TBC1D5: variants seen among roughly 807,000 people sequenced by gnomAD.
TBC1D5 encodes TBC1 domain family member 5.
A neutral mutation model predicts 100.3 loss-of-function variants in TBC1D5; 75 were observed. The ratio of observed to expected loss-of-function variants is 0.75; its 90% CI spans 0.62 to 0.91. The LOEUF (loss-of-function observed/expected upper bound fraction) is 0.91. TBC1D5 is among the 40% of genes least tolerant of loss of function. The pLI is 0.00. For synonymous variants in TBC1D5, 323 were observed against 325.6 expected (o/e 0.99, Z 0.09); for missense variants, 910 against 942.4 (o/e 0.97, Z 0.45).
chr3:17,567,229 C>A (rs1052831467), intron 2 of TBC1D5, among the ~76,000 whole-genome samples: 4 of 151,646 alleles, frequency 2.6e-5, no homozygotes, highest in African/African-American at 7.2e-5. Context: ...TCTTAAGAGT[C>A]CACAAAAGAA....
chr3:17,435,357 G>C (rs2094517319), intron 3 of TBC1D5, among the ~76,000 whole-genome samples: 1 of 152,182 alleles, frequency 6.6e-6, no homozygotes, highest in Non-Finnish European at 1.5e-5. Context: ...GACTACCCAA[G>C]ACTGGGTAAT....
chr3:17,564,242 T>G (rs949107414), intron 2 of TBC1D5, among the ~76,000 whole-genome samples: 1 of 152,202 alleles, frequency 6.6e-6, no homozygotes, highest in African/African-American at 2.4e-5. Flanking sequence ...TAAAAATATT[T>G]TTATCATTAC....
At chr3:17,236,400 T>C (rs1346515254) in intron 17 of TBC1D5, among the ~76,000 whole-genome samples, 1 of 152,172 alleles carries the variant, frequency 6.6e-6, no homozygotes, top group Non-Finnish European at 1.5e-5. Context: ...TTAAAATACA[T>C]TTACAATATG....
At chr3:17,360,231 G>A (rs2091577005) in intron 13 of TBC1D5, among the ~76,000 whole-genome samples, 1 of 151,894 alleles carries the variant, frequency 6.6e-6, no homozygotes, top group Admixed American at 6.6e-5. Flanking sequence ...CTTGTTAGAT[G>A]GTATTTTGTA....
intron 3 of TBC1D5, among the ~76,000 whole-genome samples, chr3:17,462,314 G>C (rs528865781): frequency 6.8e-6 from 1 of 147,382 alleles, no homozygotes; most frequent in South Asian, 2.1e-4. Flanking sequence ...TAAATGTTTC[G>C]GACCTTAATT....
At chr3:17,376,477 C>A (rs777290668) in intron 10 of TBC1D5, 48 bp downstream of exon 10, 2 of 1,522,400 alleles carry the variant, frequency 1.3e-6, no homozygotes, top group Admixed American at 4.1e-5. Flanking sequence ...CAAAGGTTAC[C>A]GTGGGGGCTA....
intron 2 of TBC1D5, among the ~76,000 whole-genome samples, chr3:17,589,364 G>C (rs1488504465): frequency 2.0e-5 from 3 of 152,128 alleles, no homozygotes; most frequent in Non-Finnish European, 4.4e-5. Context: ...GTTTGGCTGT[G>C]TCCCCACCCA....
At chr3:17,422,204 T>A (rs540130509) in intron 4 of TBC1D5, among the ~76,000 whole-genome samples, 6 of 152,280 alleles carry the variant, frequency 3.9e-5, no homozygotes, top group East Asian at 1.9e-4. Flanking sequence ...AGTTTTTTTT[T>A]ATCACCCAGG....
At chr3:17,516,673 C>A (rs568810820) in intron 2 of TBC1D5, among the ~76,000 whole-genome samples, 1 of 152,162 alleles carries the variant, frequency 6.6e-6, no homozygotes, top group East Asian at 1.9e-4. Context: ...TTCCTTTGTA[C>A]CCCCATAATA....
At chr3:17,624,701 A>T (rs2062919762) in intron 1 of TBC1D5, among the ~76,000 whole-genome samples, 1 of 152,130 alleles carries the variant, frequency 6.6e-6, no homozygotes, top group African/African-American at 2.4e-5. Context: ...TCTACAACTT[A>T]AAAGCTCATT....
intron 1 of TBC1D5, among the ~76,000 whole-genome samples, chr3:17,694,411 T>A (rs2071670545): frequency 2.6e-5 from 4 of 152,186 alleles, no homozygotes; most frequent in Admixed American, 2.6e-4. Flanking sequence ...AATGATGTCA[T>A]GGAGATGAAA....
chr3:17,448,631 A>T (rs1216168645), intron 3 of TBC1D5, among the ~76,000 whole-genome samples: 1 of 152,220 alleles, frequency 6.6e-6, no homozygotes, highest in Non-Finnish European at 1.5e-5. Context: ...CAGGTGCCTT[A>T]TCAAAGAGAA....
At chr3:17,373,882 G>T (rs1423903878) in intron 12 of TBC1D5, among the ~76,000 whole-genome samples, 1 of 152,054 alleles carries the variant, frequency 6.6e-6, no homozygotes, top group East Asian at 1.9e-4. Context: ...TAATGGACAT[G>T]CAGTTTTCTT....
chr3:17,243,676 C>T lies in TBC1D5; in HGVS notation c.1332-5257G>A, dbSNP rs535254594. 1.1e-4 allele frequency among the ~76,000 whole-genome samples: 16 copies of T among 151,910 alleles called. No individual in the cohort carries two copies. In the East Asian group the frequency reaches 1.5e-3, roughly 15 times the overall value. On this transcript the variant is annotated intron_variant, in intron 16 of 21. Transcript: ENST00000253692. ...TTATAATTGCACATTACATACAGAACAAGAAGGCATGGATAACATGAGTTT... is the reference window on the plus strand; with the variant it reads ...TTATAATTGCACATTACATACAGAATAAGAAGGCATGGATAACATGAGTTT...
chr3:17,370,678 A>G (rs1416992638), intron 13 of TBC1D5, among the ~76,000 whole-genome samples: 1 of 152,188 alleles, frequency 6.6e-6, no homozygotes, highest in African/African-American at 2.4e-5. Flanking sequence ...TCCAGAGAAG[A>G]AAAACAGCTG....
intron 1 of TBC1D5, among the ~76,000 whole-genome samples, chr3:17,673,997 C>G (rs758422811): frequency 6.6e-6 from 1 of 152,176 alleles, no homozygotes; most frequent in Non-Finnish European, 1.5e-5. Context: ...GAGAGCCTGA[C>G]TCCCAATTCC....
intron 18 of TBC1D5, among the ~76,000 whole-genome samples, chr3:17,204,198 C>T (rs1419564827): frequency 2.0e-5 from 3 of 152,022 alleles, no homozygotes; most frequent in African/African-American, 4.8e-5. Flanking sequence ...GGTGATGCCA[C>T]TGAGGGGGAA....
At chr3:17,630,942 G>A (rs181389630) in intron 1 of TBC1D5, among the ~76,000 whole-genome samples, 2 of 150,338 alleles carry the variant, frequency 1.3e-5, no homozygotes, top group East Asian at 4.0e-4. Flanking sequence ...TACTCGGGAG[G>A]ATGAAGCAGG....
intron 10 of TBC1D5, among the ~76,000 whole-genome samples, chr3:17,375,068 T>G (rs1175795582): frequency 6.7e-6 from 1 of 150,256 alleles, no homozygotes; most frequent in Non-Finnish European, 1.5e-5. Flanking sequence ...TTTCTTTAAC[T>G]GGATTTATTT....
Sources: gnomAD v4.1 joint callset for allele counts (sites outside exome capture counted in the v4.1 genomes callset) on GRCh38, gnomAD v4.1.1 for gene constraint, MANE v1.5 for transcripts, NCBI Gene and HGNC (gene_info 2026-07-23, HGNC 2026-07-21) for gene names.